IL17B: variants seen among roughly 807,000 people sequenced by gnomAD.
The protein encoded by IL17B is interleukin 17B.
A neutral mutation model predicts 14.7 loss-of-function variants in IL17B; 14 were observed. The ratio of observed to expected loss-of-function variants is 0.95; its 90% CI spans 0.63 to 1.49. The LOEUF is 1.49. Ranked by LOEUF, IL17B falls within the 40% of genes most tolerant of loss-of-function variation. The pLI is 0.00. For missense variants in IL17B, 233 were observed against 252.8 expected, an observed-to-expected ratio of 0.92 and a Z score of 0.53; for synonymous variants, 105 against 94.8, an observed-to-expected ratio of 1.11 and a Z score of -0.62.
At chr5:149,377,631 T>A (rs965896204) in intron 1 of IL17B, among the ~76,000 whole-genome samples, 2 of 151,996 alleles carry the variant, frequency 1.3e-5, no homozygotes, top group Admixed American at 1.3e-4. Context: ...AACACCCAAG[T>A]CTCCCTAGCG....
At chr5:149,397,017 T>G (rs1759106711) in intron 1 of IL17B, among the ~76,000 whole-genome samples, 1 of 152,206 alleles carries the variant, frequency 6.6e-6, no homozygotes, top group Non-Finnish European at 1.5e-5. Flanking sequence ...TCTTCACTTC[T>G]TTGATATTTG....
intron 1 of IL17B, among the ~76,000 whole-genome samples, chr5:149,398,731 A>T (rs182470669): frequency 6.1e-4 from 93 of 152,162 alleles, no homozygotes; most frequent in East Asian, 2.3e-3. Flanking sequence ...ACATGGATAA[A>T]CCCCATCTCT....
At chr5:149,392,756 C>A (rs1758995587) in intron 1 of IL17B, among the ~76,000 whole-genome samples, 1 of 152,172 alleles carries the variant, frequency 6.6e-6, no homozygotes, top group African/African-American at 2.4e-5. Context: ...ACATAAATTG[C>A]TGTTACTGTA....
intron 1 of IL17B, among the ~76,000 whole-genome samples, chr5:149,398,785 A>G (rs1759148633): frequency 6.6e-6 from 1 of 152,190 alleles, no homozygotes; most frequent in Non-Finnish European, 1.5e-5. Flanking sequence ...AGGCACCTGT[A>G]ATCCCAGCTA....
intron 1 of IL17B, among the ~76,000 whole-genome samples, chr5:149,395,067 A>G (rs914520299): frequency 1.3e-5 from 2 of 152,068 alleles, no homozygotes; most frequent in African/African-American, 4.8e-5. Flanking sequence ...CTTTGTGTCC[A>G]TGTGTTCTCA....
At chr5:149,375,039 T>C (rs1352981562) in intron 2 of IL17B, 2 of 159,802 alleles carry the variant, frequency 1.3e-5, no homozygotes, top group Non-Finnish European at 2.7e-5. Context: ...GGCCTCCCTC[T>C]GCCTGCCCCA....
At chr5:149,380,963 G>T (rs554462258), upstream of IL17B, among the ~76,000 whole-genome samples, 2 of 152,328 alleles carry the variant, frequency 1.3e-5, no homozygotes, top group Admixed American at 6.5e-5. Flanking sequence ...ACCTCCTCAG[G>T]CAACAAGGGC....
At chr5:149,385,913 G>C (rs986721954) in intron 1 of IL17B, among the ~76,000 whole-genome samples, 2 of 152,216 alleles carry the variant, frequency 1.3e-5, no homozygotes, top group African/African-American at 2.4e-5. Context: ...GGGGACGTGA[G>C]AAGAAAACGT....
intron 1 of IL17B, among the ~76,000 whole-genome samples, chr5:149,389,194 G>A (rs1224867719): frequency 3.9e-5 from 6 of 152,176 alleles, no homozygotes; most frequent in Non-Finnish European, 2.9e-5. Context: ...AATTGTCAAT[G>A]TCATATTATT....
intron 1 of IL17B, among the ~76,000 whole-genome samples, chr5:149,403,035 A>T (rs887624768): frequency 3.3e-5 from 5 of 150,180 alleles, no homozygotes; most frequent in Admixed American, 1.3e-4. Flanking sequence ...ACTCAATAGC[A>T]AGTTGTAGAC....
At chr5:149,380,993 G>T (rs1383860722), upstream of IL17B, among the ~76,000 whole-genome samples, 1 of 152,228 alleles carries the variant, frequency 6.6e-6, no homozygotes, top group Non-Finnish European at 1.5e-5. Flanking sequence ...ACCGCAGGCT[G>T]TCCCAGCCCC....
At chr5:149,392,253 T>A (rs1231562696) in intron 1 of IL17B, among the ~76,000 whole-genome samples, 1 of 152,268 alleles carries the variant, frequency 6.6e-6, no homozygotes, top group Admixed American at 6.5e-5. Context: ...AAAGGACTTT[T>A]ACTTCTATCT....
intron 1 of IL17B, among the ~76,000 whole-genome samples, chr5:149,386,011 T>C (rs747596978): frequency 5.9e-5 from 9 of 152,160 alleles, no homozygotes; most frequent in Non-Finnish European, 1.5e-5. Flanking sequence ...AGGACTTCTT[T>C]TGCAGGTTGG....
At chr5:149,388,766 G>A (rs542328005) in intron 1 of IL17B, among the ~76,000 whole-genome samples, 1 of 152,194 alleles carries the variant, frequency 6.6e-6, no homozygotes, top group Non-Finnish European at 1.5e-5. Context: ...ACATGGTGAT[G>A]GAAACTTCAT....
At chr5:149,398,689 C>T (rs538445566) in intron 1 of IL17B, among the ~76,000 whole-genome samples, 1 of 152,180 alleles carries the variant, frequency 6.6e-6, no homozygotes, top group Non-Finnish European at 1.5e-5. Context: ...GGCAGATCAT[C>T]TGAGGTCAGG....
chr5:149,379,704 C>T (rs1294736809), upstream of IL17B, among the ~76,000 whole-genome samples: 1 of 152,166 alleles, frequency 6.6e-6, no homozygotes, highest in Non-Finnish European at 1.5e-5. Context: ...CAGGCCCCAT[C>T]TCCCAGGGAA....
At chr5:149,392,467 A>C (rs1171549314) in intron 1 of IL17B, among the ~76,000 whole-genome samples, 1 of 152,248 alleles carries the variant, frequency 6.6e-6, no homozygotes, top group African/African-American at 2.4e-5. Context: ...AAATGAAGTA[A>C]GGTGCATAAG....
At chr5:149,399,563 C>T (rs981058624) in intron 1 of IL17B, among the ~76,000 whole-genome samples, 1 of 151,874 alleles carries the variant, frequency 6.6e-6, no homozygotes, top group Admixed American at 6.6e-5. Context: ...AACAAATTTA[C>T]GAAGTTAGTT....
intron 1 of IL17B, among the ~76,000 whole-genome samples, chr5:149,390,136 C>T (rs1008367544): frequency 1.3e-5 from 2 of 151,660 alleles, no homozygotes; most frequent in Non-Finnish European, 2.9e-5. Context: ...ATTTGTTCTA[C>T]AGGAGGCAGG....
Sources: gnomAD v4.1 joint callset for allele counts (sites outside exome capture counted in the v4.1 genomes callset) on GRCh38, gnomAD v4.1.1 for gene constraint, MANE v1.5 for transcripts, NCBI Gene and HGNC (gene_info 2026-07-23, HGNC 2026-07-21) for gene names.